Variants in COQ8B observed in about 807,000 individuals in gnomAD.
COQ8B encodes atypical kinase COQ8B, mitochondrial.
COQ8B carries 44 observed loss-of-function variants against 62.0 expected under a neutral mutation model. That is an observed-to-expected ratio of 0.71 (90% confidence interval 0.56 to 0.91). The LOEUF is 0.91. Among genes scored for constraint, COQ8B ranks in the 40% least tolerant of loss-of-function variants. The pLI, the probability that COQ8B is intolerant of heterozygous loss-of-function variation, is 0.00. For synonymous variants in COQ8B, 252 were observed against 289.9 expected, an observed-to-expected ratio of 0.87 and a Z score of 1.33; for missense variants, 649 against 731.6, an observed-to-expected ratio of 0.89 and a Z score of 1.30.
At chr19:40,700,706 C>A in intron 10 of COQ8B, 1 of 493,648 alleles carries the variant, frequency 2.0e-6, no homozygotes, top group Non-Finnish European at 3.6e-6. Flanking sequence ...GTCACCACTT[C>A]CCTACCCGAA....
intron 9 of COQ8B, chr19:40,703,254 G>A (rs756682656): frequency 1.4e-4 from 55 of 403,278 alleles, no homozygotes; most frequent in Non-Finnish European, 1.9e-4. Flanking sequence ...CTGCTCTGCC[G>A]CACCTACAAT....
chr19:40,716,420 C>A (rs1313728674), intron 1 of COQ8B, among the ~76,000 whole-genome samples, 167 bp downstream of exon 1: 1 of 152,220 alleles, frequency 6.6e-6, no homozygotes, highest in African/African-American at 2.4e-5. Context: ...TGTCAGATAG[C>A]CCCGTAGCTG....
At position 40,700,404 on chromosome 19, in the gene COQ8B, T is replaced by A; in HGVS notation, c.941A>T (p.Lys314Met). The A allele has an allele frequency of 6.2e-7, 1 of 1,614,130 alleles. No homozygotes were observed. Among genetic ancestry groups the A allele is most frequent in the Non-Finnish European group, 8.5e-7 (1 of 1,180,002 alleles). Residue 314 changes from lysine (K) to methionine (M), a missense_variant, in exon 11 of 15, where the codon AAG (lysine) becomes ATG (methionine). Transcript: ENST00000324464. Reference sequence around the variant, plus strand: ...CAGCACCCGTGTCGTGCACAGCTCCTTAACCACGGCTGGGACCCGGAAGAA... The same window carrying A: ...CAGCACCCGTGTCGTGCACAGCTCCATAACCACGGCTGGGACCCGGAAGAA... ...DPFFRVPAVV[K>M]ELCTTRVLGM...
Position 40,703,701 on chromosome 19 carries a change from G to A in COQ8B, c.717+14C>T, listed in dbSNP as rs1236711584. On this transcript the variant is annotated intron_variant, in intron 8 of 14. Transcript: ENST00000324464. Reference sequence around the variant, plus strand: ...AGGGTGCCCGCCCCTACCCTGCCCAGCCTCCCCTCTCACCTGGATCTTCAC... The same window carrying A: ...AGGGTGCCCGCCCCTACCCTGCCCAACCTCCCCTCTCACCTGGATCTTCAC... 7 of 1,613,932 alleles carry A rather than the reference G, an allele frequency of 4.3e-6. No individual in the cohort carries two copies. The highest frequency in any genetic ancestry group is 5.9e-6 in the Non-Finnish European group (7 of 1,180,002).
Position 40,692,998 on chromosome 19 carries a change from G to A in COQ8B, c.1249C>T (p.Leu417=), listed in dbSNP as rs1568435910. ...AAADGDRDCV[L]QKSRDLKFLT... ...AATTTGAGGTCCCTGGACTTCTGCA[G>A]GACACAGTCTCTGTCTCCATCAGCT... is the stretch of plus-strand genomic sequence containing the variant. Residue 417 remains leucine (L), a synonymous_variant, in exon 14 of 15, where the codon CTG becomes TTG. Transcript: ENST00000324464. The A allele has an allele frequency of 1.9e-6, 3 of 1,614,014 alleles. No homozygotes were observed. Among genetic ancestry groups the A allele is most frequent in the Non-Finnish European group, 2.5e-6 (3 of 1,179,932 alleles).
chr19:40,701,732 G>A (rs2082062312), intron 10 of COQ8B, among the ~76,000 whole-genome samples: 1 of 152,148 alleles, frequency 6.6e-6, no homozygotes, highest in Non-Finnish European at 1.5e-5. Flanking sequence ...GTTAAGGGCT[G>A]ACCCAGGATT....
chr19:40,703,960 G>A (rs1448984149), intron 7 of COQ8B, 105 bp from the exon 8 acceptor site: 1 of 1,400,762 alleles, frequency 7.1e-7, no homozygotes, highest in African/African-American at 1.4e-5. Flanking sequence ...CAGGGCCCTG[G>A]GCTAAGCTCT....
chr19:40,702,194 A>AAATGCTTCT (rs1405350827), intron 10 of COQ8B, among the ~76,000 whole-genome samples: 2 of 152,106 alleles, frequency 1.3e-5, no homozygotes, highest in Non-Finnish European at 2.9e-5. Context: ...CCTGTTCTCA[A>AAATGCTTCT]AATGCTTCTA....
In COQ8B at chr19:40,692,220, C is replaced by T; in HGVS notation, c.1450G>A (p.Glu484Lys). ...AGCTTGCGGTGCAGGGCATAGGTCT[C>T]CTCGGGTGGGGGACACAGCCGGTGC... ...LRHRLCPPPEETYALHRKLAG... is the reference protein window; with the variant it reads ...LRHRLCPPPEKTYALHRKLAG... Residue 484 changes from glutamate (E) to lysine (K), a missense_variant, in exon 15 of 15, where the codon GAG becomes AAG. Transcript: ENST00000324464. 6.2e-7 allele frequency: 1 copy of T among 1,606,188 alleles called. No individual in the cohort carries two copies. The highest frequency in any genetic ancestry group is 1.3e-5 in the African/African-American group (1 of 74,760).
chr19:40,692,358 G>A lies in COQ8B; in HGVS notation c.1312C>T (p.His438Tyr). 6.2e-7 allele frequency: 1 copy of A among 1,613,364 alleles called. No homozygotes were observed. Among genetic ancestry groups the A allele is most frequent in the Non-Finnish European group, 8.5e-7 (1 of 1,179,810 alleles). The change falls in exon 15 of 15, where the codon CAC becomes TAC. Residue 438 changes from histidine (H) to tyrosine (Y), a missense_variant. Physicochemically the swap from His to Tyr is moderately conservative, Grantham distance 83 (BLOSUM62 2). Coordinates refer to ENST00000324464, the MANE Select transcript of COQ8B (RefSeq NM_024876.4). ...GFETKAFSDA[H>Y]VEAVMILGEP... ...CCCAGGATCATCACTGCCTCCACGT[G>A]GGCGTCGGAGAATGCCTGGGAGTGG...
rs191643028 is a variant in COQ8B, at chr19:40,694,082, T to C, written c.1210-1045A>G. 6.6e-5 allele frequency among the ~76,000 whole-genome samples: 10 copies of C among 152,260 alleles called. No homozygotes were observed. In the East Asian group the frequency reaches 1.9e-3, roughly 29 times the overall value. On this transcript the variant is annotated intron_variant, in intron 13 of 14. Coordinates refer to ENST00000324464, the MANE Select transcript of COQ8B (RefSeq NM_024876.4). The stretch of plus-strand genomic sequence containing the variant: ...AGTGGGGAGAAGAAGGGTCTCAGCT[T>C]TGTGCCTCAGTGGCCGGCAGAGAGG...
chr19:40,703,947 A>G, intron 7 of COQ8B, 92 bp from the exon 8 acceptor site: 1 of 1,441,488 alleles, frequency 6.9e-7, no homozygotes. Flanking sequence ...CACTCACCAC[A>G]TGCAGGGCCC....
At chr19:40,706,484 G>C (rs1248858967) in intron 5 of COQ8B, among the ~76,000 whole-genome samples, 2 of 152,140 alleles carry the variant, frequency 1.3e-5, no homozygotes, top group Non-Finnish European at 2.9e-5. Context: ...TTGTGTTTTT[G>C]AGACAGTGTC....
chr19:40,711,883 GAAGTA>G (rs1373671750), intron 4 of COQ8B, among the ~76,000 whole-genome samples: 1 of 152,156 alleles, frequency 6.6e-6, no homozygotes, highest in Non-Finnish European at 1.5e-5. Flanking sequence ...TCAGAGAAGT[GAAGTA>G]ATTTGCCCAG....
chr19:40,700,032 C>A (rs886763853), intron 12 of COQ8B, 35 bp downstream of exon 12: 2 of 1,579,862 alleles, frequency 1.3e-6, no homozygotes, highest in Non-Finnish European at 1.7e-6. Context: ...GTTACAACAG[C>A]AAATGTACCC....
intron 5 of COQ8B, among the ~76,000 whole-genome samples, chr19:40,706,528 C>T (rs563452460): frequency 1.3e-5 from 2 of 152,272 alleles, no homozygotes; most frequent in South Asian, 4.1e-4. Flanking sequence ...TGCAGCGGCA[C>T]AATCATGGCT....
intron 2 of COQ8B, 40 bp from the exon 3 acceptor site, chr19:40,714,437 G>A (rs2082168615): frequency 6.2e-7 from 1 of 1,612,624 alleles, no homozygotes; most frequent in Non-Finnish European, 8.5e-7. Flanking sequence ...GAGGACATGG[G>A]ATCACCTGGC....
chr19:40,701,054 G>A (rs1053416099), intron 10 of COQ8B: 4 of 152,950 alleles, frequency 2.6e-5, no homozygotes, highest in African/African-American at 9.7e-5. Context: ...TTGGCTGGGT[G>A]CAGTGGCTTA....
intron 5 of COQ8B, among the ~76,000 whole-genome samples, chr19:40,709,513 CA>C (rs1304178962): frequency 6.6e-6 from 1 of 152,176 alleles, no homozygotes; most frequent in Non-Finnish European, 1.5e-5. Context: ...GCTCCTGCTC[CA>C]AGTTAGGAAC....
Sources: allele counts gnomAD v4.1 joint callset (sites outside exome capture counted in the v4.1 genomes callset), GRCh38; gene constraint gnomAD v4.1.1; transcripts MANE v1.5; gene names NCBI Gene and HGNC (gene_info 2026-07-23, HGNC 2026-07-21).